The following HHIPL2 variants were observed in gnomAD, a reference collection of about 807,000 sequenced individuals.
The protein encoded by HHIPL2 is HHIP-like protein 2.
A neutral mutation model predicts 61.0 loss-of-function variants in HHIPL2; 61 were observed. The ratio of observed to expected loss-of-function variants is 1.00; its 90% CI spans 0.81 to 1.24. HHIPL2 has a LOEUF of 1.24. HHIPL2 is among the 50% of genes most tolerant of loss of function. The pLI is 0.00. For synonymous variants in HHIPL2, 343 were observed against 357.4 expected (o/e 0.96, Z 0.45); for missense variants, 885 against 910.2 (o/e 0.97, Z 0.36).
chr1:222,525,359 A>G (rs1444737880), intron 7 of HHIPL2: 1 of 152,326 alleles, frequency 6.6e-6, no homozygotes, highest in Non-Finnish European at 1.5e-5. Context: ...AGAAGTGCAC[A>G]GAAGCAGACC....
intron 1 of HHIPL2, among the ~76,000 whole-genome samples, chr1:222,544,464 CATGA>C (rs1366190043): frequency 6.6e-6 from 1 of 152,168 alleles, no homozygotes; most frequent in Non-Finnish European, 1.5e-5. Context: ...TTAAATGATG[CATGA>C]ATATTTTTTC....
intron 1 of HHIPL2, among the ~76,000 whole-genome samples, chr1:222,544,626 A>G (rs545164675): frequency 6.0e-4 from 92 of 152,184 alleles, no homozygotes; most frequent in Admixed American, 2.3e-3. Context: ...CGATCTCCCA[A>G]AGTGCTGGGA....
chr1:222,532,468 G>T (rs920390805), intron 5 of HHIPL2, among the ~76,000 whole-genome samples: 1 of 152,042 alleles, frequency 6.6e-6, no homozygotes. Context: ...ACAAAAATTA[G>T]CCAGGCAGGG....
intron 7 of HHIPL2, 79 bp from the exon 8 acceptor site, chr1:222,523,773 T>C: frequency 7.3e-7 from 1 of 1,365,778 alleles, no homozygotes; most frequent in Non-Finnish European, 1.0e-6. Flanking sequence ...AGAGGGCGTA[T>C]ATTTGCAAGA....
Position 222,542,127 on chromosome 1 carries a change from A to C in HHIPL2, c.1003T>G (p.Ser335Ala), listed in dbSNP as rs1659445737. The C allele has an allele frequency of 1.7e-5, 27 of 1,613,884 alleles. No individual in the cohort carries two copies. The highest frequency in any genetic ancestry group is 2.3e-5 in the Non-Finnish European group (27 of 1,179,950). Residue 335 changes from serine (S) to alanine (A), a missense_variant, in exon 3 of 9, where the codon TCA (serine) becomes GCA (alanine). Coordinates refer to ENST00000343410, the MANE Select transcript of HHIPL2 (RefSeq NM_024746.4). ...AGAAGTTGTCCGCCATTATGGTTTG[A>C]GGCTGGTTCTTCAATCTCCAAGATG... ...RVILEIEEPA[S>A]NHNGGQLLFG... is the part of the protein sequence containing the mutation.
intron 2 of HHIPL2, 76 bp downstream of exon 2, chr1:222,543,461 C>A: frequency 7.3e-7 from 1 of 1,370,662 alleles, no homozygotes; most frequent in South Asian, 1.4e-5. Flanking sequence ...TGAAGTTCCC[C>A]TCTATTATCT....
chr1:222,531,100 TCCCTTAACACGTG>T (rs1199912009), intron 6 of HHIPL2, among the ~76,000 whole-genome samples: 3 of 152,186 alleles, frequency 2.0e-5, no homozygotes, highest in Admixed American at 6.5e-5. Context: ...CTTCACTGAT[TCCCTTAACACGTG>T]CCTAGTCTGT....
At chr1:222,539,527 T>TAAAA (rs10537670) in intron 4 of HHIPL2, among the ~76,000 whole-genome samples, 99 of 83,714 alleles carry the variant, frequency 1.2e-3, no homozygotes, top group Middle Eastern at 9.1e-3. Flanking sequence ...AGACTCTGTC[T>TAAAA]AAAAAAAAAA....
Position 222,540,234 on chromosome 1 carries a change from G to A in HHIPL2, c.1226C>T (p.Ala409Val). The change falls in exon 4 of 9, where the codon GCC becomes GTC. Residue 409 changes from alanine (A) to valine (V), a missense_variant. Physicochemically the swap from Ala to Val is moderately conservative, Grantham distance 64. Coordinates refer to ENST00000343410, the MANE Select transcript of HHIPL2 (RefSeq NM_024746.4). ...CCCATAGGCATAGATGGCGGGGTGG[G>A]CCCCTGGCTCAGAAACAAATGGATT... ...SDNPFVSEPGAHPAIYAYGIR... is the reference protein window; with the variant it reads ...SDNPFVSEPGVHPAIYAYGIR... The A allele has an allele frequency of 1.2e-6, 2 of 1,614,260 alleles. No homozygotes were observed. Among genetic ancestry groups the A allele is most frequent in the Non-Finnish European group, 1.7e-6 (2 of 1,180,046 alleles).
Position 222,533,505 on chromosome 1 carries a change from T to G in HHIPL2, c.1578-1394A>C, listed in dbSNP as rs1323929188. On this transcript the variant is annotated intron_variant, in intron 5 of 8. Transcript: ENST00000343410. ...GAACAATGAAATCCCAAAGCTCTAG[T>G]AAGTGATGATAAAGGACCTGACCAA... is the stretch of plus-strand genomic sequence containing the variant. Among the ~76,000 whole-genome samples, 6 of 152,016 alleles carry G rather than the reference T, an allele frequency of 3.9e-5. No individual in the cohort carries two copies. In the East Asian group the frequency reaches 9.6e-4, roughly 24 times the overall value.
chr1:222,542,207 G>A, intron 2 of HHIPL2, 52 bp from the exon 3 acceptor site: 2 of 1,593,260 alleles, frequency 1.3e-6, no homozygotes, highest in Non-Finnish European at 8.5e-7. Context: ...AGCTGAAGCT[G>A]CATCCTCTTG....
At chr1:222,540,817 A>C (rs1242828413) in intron 3 of HHIPL2, among the ~76,000 whole-genome samples, 1 of 152,230 alleles carries the variant, frequency 6.6e-6, no homozygotes, top group South Asian at 2.1e-4. Context: ...GACTTTCCTC[A>C]TTTGAAAGTC....
chr1:222,534,602 C>T (rs981074600), intron 5 of HHIPL2, among the ~76,000 whole-genome samples: 11 of 106,958 alleles, frequency 1.0e-4, no homozygotes, highest in Non-Finnish European at 2.1e-4. Context: ...AAAAAAATTA[C>T]AGAGAGATAT....
At position 222,540,328 on chromosome 1, in the gene HHIPL2, C is replaced by G. The variant is rs767231288; in HGVS notation, c.1132G>C (p.Gly378Arg). ...GNAQNKSSLL[G>R]KVLRIDVNRA... ...TTCACATCGATCCTTAAAACTTTTCCCAGCAGGGAACTTCTGAAAGAAAGA... is the reference window on the plus strand; with the variant it reads ...TTCACATCGATCCTTAAAACTTTTCGCAGCAGGGAACTTCTGAAAGAAAGA... The change falls in exon 4 of 9, where the codon GGA becomes CGA. Residue 378 changes from glycine (G) to arginine (R), a missense_variant. By Grantham distance (125) the Gly-to-Arg change is moderately radical. Transcript: ENST00000343410. 1 of 1,604,566 alleles carries G rather than the reference C, an allele frequency of 6.2e-7. No individual in the cohort carries two copies. The highest frequency in any genetic ancestry group is 8.5e-7 in the Non-Finnish European group (1 of 1,174,346).
chr1:222,534,593 A>ATAAAAAT (rs1558128889), intron 5 of HHIPL2, among the ~76,000 whole-genome samples: 1 of 148,344 alleles, frequency 6.7e-6, no homozygotes, highest in African/African-American at 2.5e-5. Flanking sequence ...AAAAAAAAAA[A>ATAAAAAT]AAAAATTACA....
chr1:222,547,850 CTCATAG>C lies in HHIPL2; in HGVS notation c.189_194del (p.Asp63_Tyr64del). 6.2e-7 allele frequency: 1 copy of C among 1,614,158 alleles called. No individual in the cohort carries two copies. The highest frequency in any genetic ancestry group is 8.5e-7 in the Non-Finnish European group (1 of 1,180,030). ...TGTGCTGATCACAGCAGCCGAAGGA[CTCATAG>C]TCAGAGCAAAACTCAAGGTGCAGAG... On this transcript the variant is annotated inframe_deletion, in exon 1 of 9. Coordinates refer to ENST00000343410, the MANE Select transcript of HHIPL2 (RefSeq NM_024746.4).
At chr1:222,539,260 G>A (rs556864402) in intron 4 of HHIPL2, among the ~76,000 whole-genome samples, 153 of 152,136 alleles carry the variant, frequency 1.0e-3, no homozygotes, top group Non-Finnish European at 1.5e-3. Flanking sequence ...GGCCGGGCAC[G>A]GTGACTCACA....
At position 222,543,963 on chromosome 1, in the gene HHIPL2, T is replaced by C. The variant is rs999802385; in HGVS notation, c.548A>G (p.Asn183Ser). 1.9e-6 allele frequency: 3 copies of C among 1,613,902 alleles called. No homozygotes were observed. Among genetic ancestry groups the C allele is most frequent in the Admixed American group, 1.7e-5 (1 of 59,984 alleles). Residue 183 changes from asparagine to serine, a missense_variant, in exon 2 of 9, where the codon AAT becomes AGT. Physicochemically the swap from Asn to Ser is conservative, Grantham distance 46. Transcript: ENST00000343410. ...DLPDKDYCFP[N>S]VLRNDYLNRH... ...GTTGAGATAGTCGTTCCTCAGGACATTAGGGAAGCAATAGTCCTTGTCAGG... is the reference window on the plus strand; with the variant it reads ...GTTGAGATAGTCGTTCCTCAGGACACTAGGGAAGCAATAGTCCTTGTCAGG...
At chr1:222,524,763 G>C (rs1659024751) in intron 7 of HHIPL2, among the ~76,000 whole-genome samples, 1 of 152,236 alleles carries the variant, frequency 6.6e-6, no homozygotes, top group African/African-American at 2.4e-5. Flanking sequence ...TTCGTGCAAA[G>C]ACAAGCTGAA....
Sources: allele counts gnomAD v4.1 joint callset (sites outside exome capture counted in the v4.1 genomes callset), GRCh38; gene constraint gnomAD v4.1.1; transcripts MANE v1.5; gene names NCBI Gene and HGNC (gene_info 2026-07-23, HGNC 2026-07-21).